The following ERMP1 variants were observed in gnomAD, a reference collection of about 807,000 sequenced individuals.
ERMP1 encodes Felix-ina.
A neutral mutation model predicts 92.0 loss-of-function variants in ERMP1; 86 were observed. The ratio of observed to expected loss-of-function variants is 0.93; its 90% CI spans 0.79 to 1.12. The LOEUF (loss-of-function observed/expected upper bound fraction) is 1.12, where lower values mean the gene tolerates loss of function less well. ERMP1 is among the 50% of genes most tolerant of loss of function. The pLI is 0.00. For synonymous variants in ERMP1, 530 were observed against 412.8 expected (o/e 1.28, Z -3.44); for missense variants, 1,342 against 1,116.3 (o/e 1.20, Z -2.88).
chr9:5,860,475 G>C (rs1830453053), intron 5 of ERMP1, among the ~76,000 whole-genome samples: 1 of 152,134 alleles, frequency 6.6e-6, no homozygotes, highest in Non-Finnish European at 1.5e-5. Context: ...GGATAAGTGA[G>C]TAAATGAATG....
chr9:5,813,061 A>AG, intron 4 of ERMP1, 26 bp from the exon 5 acceptor site: 1 of 1,601,080 alleles, frequency 6.2e-7, no homozygotes, highest in Non-Finnish European at 8.5e-7. Context: ...ACAACACAAT[A>AG]GAAGGTATTC....
chr9:5,801,902 T>C (rs1002862842), intron 10 of ERMP1, among the ~76,000 whole-genome samples: 3 of 152,156 alleles, frequency 2.0e-5, no homozygotes, highest in African/African-American at 7.2e-5. Context: ...ACAATAAATC[T>C]AGGCAGTAAA....
chr9:5,846,887 G>T (rs1447251958), intron 6 of ERMP1, among the ~76,000 whole-genome samples: 9 of 152,152 alleles, frequency 5.9e-5, no homozygotes, highest in Non-Finnish European at 4.4e-5. Flanking sequence ...TGTTCAGCAT[G>T]GAACTGGACG....
rs1828555439 is a variant in ERMP1 at position 5,798,888 on chromosome 9, T to C, written c.2188A>G (p.Asn730Asp). 1 of 1,613,480 alleles carries C rather than the reference T, an allele frequency of 6.2e-7. No homozygotes were observed. Among genetic ancestry groups the C allele is most frequent in the Non-Finnish European group, 8.5e-7 (1 of 1,179,442 alleles). Reference protein sequence around the residue: ...SHITPHIPEINDSIRAHCEEN... With the variant: ...SHITPHIPEIDDSIRAHCEEN... ...TCACAGTGAGCTCGGATACTATCATTGATCTCAGGAATGTGAGGGGTTATG... is the reference window on the plus strand; with the variant it reads ...TCACAGTGAGCTCGGATACTATCATCGATCTCAGGAATGTGAGGGGTTATG... Residue 730 changes from asparagine (N) to aspartate (D), a missense_variant, in exon 12 of 15, where the codon AAT becomes GAT. Asn to Asp is a conservative substitution (Grantham distance 23, BLOSUM62 1). Coordinates refer to ENST00000339450, the MANE Select transcript of ERMP1 (RefSeq NM_024896.3).
At chr9:5,791,286 A>G in intron 13 of ERMP1, 1 of 456,698 alleles carries the variant, frequency 2.2e-6, no homozygotes, top group Non-Finnish European at 4.4e-6. Flanking sequence ...AGGCAGGCTG[A>G]AGAAAAAAGT....
intron 13 of ERMP1, 125 bp from the exon 14 acceptor site, chr9:5,787,718 C>T (rs1828003245): frequency 2.2e-6 from 2 of 919,686 alleles, no homozygotes; most frequent in Non-Finnish European, 3.2e-6. Context: ...TACTATAAAC[C>T]TAATGGAGGT....
intron 9 of ERMP1, 120 bp from the exon 10 acceptor site, chr9:5,805,337 T>C: frequency 1.3e-6 from 1 of 772,992 alleles, no homozygotes; most frequent in Non-Finnish European, 2.0e-6. Flanking sequence ...ACTCTTGCCC[T>C]TAAGGGTGTA....
upstream of ERMP1, among the ~76,000 whole-genome samples, chr9:5,834,717 G>GTGTGTC (rs1276567806): frequency 7.4e-5 from 11 of 149,436 alleles, no homozygotes; most frequent in Non-Finnish European, 4.5e-5. Flanking sequence ...GTGTGTGTGT[G>GTGTGTC]TGTGTGTGTG....
At position 5,787,179 on chromosome 9, in the gene ERMP1, C is replaced by A; in HGVS notation, c.2680G>T (p.Ala894Ser). The A allele has an allele frequency of 6.2e-7, 1 of 1,614,014 alleles. No homozygotes were observed. The highest frequency in any genetic ancestry group is 8.5e-7 in the Non-Finnish European group (1 of 1,179,950). Residue 894 changes from alanine to serine, a missense_variant, in exon 15 of 15, where the codon GCC becomes TCC. Transcript: ENST00000339450. ...AAGAGATCGTAGGTGCACACCCAGG[C>A]AGAGGGAAATGTCCAATCTGGGAAC... Reference protein sequence around the residue: ...EKFPDWTFPSAWVCTYDLFVF With the variant: ...EKFPDWTFPSSWVCTYDLFVF
In ERMP1 at chr9:5,810,209, G is replaced by C; in HGVS notation, c.1350C>G (p.Phe450Leu). 1 of 1,613,838 alleles carries C rather than the reference G, an allele frequency of 6.2e-7. No individual in the cohort carries two copies. Among genetic ancestry groups the C allele is most frequent in the Non-Finnish European group, 8.5e-7 (1 of 1,179,940 alleles). The change falls in exon 8 of 15, where the codon TTC (phenylalanine) becomes TTG (leucine). Residue 450 changes from phenylalanine (F) to leucine (L), a missense_variant. By Grantham distance (22) the Phe-to-Leu change is conservative (BLOSUM62 0). Transcript: ENST00000339450. ...TCAAAGTGATGCCAAGTCCACACAA[G>C]AAGTCCTTCTTGTAGTTACCAGCTA... ...KHKTGNYKKD[F>L]LCGLGITLIS...
Position 5,810,070 on chromosome 9 carries a change from T to C in ERMP1, c.1489A>G (p.Thr497Ala), listed in dbSNP as rs865803163. 3.7e-6 allele frequency: 6 copies of C among 1,613,868 alleles called. No homozygotes were observed. The African/African-American group carries it at 8.0e-5, about 22-fold the overall frequency. Residue 497 changes from threonine to alanine, a missense_variant, in exon 8 of 15, where the codon ACT becomes GCT. Thr to Ala is a moderately conservative substitution (Grantham distance 58). Transcript: ENST00000339450. ...AGTATTATTTTGGCTACAGTTGCAG[T>C]TCCATACAGACAAACGGAGACATAG... ...HFYVSVCLYG[T>A]ATVAKIILIH...
intron 4 of ERMP1, 102 bp downstream of exon 4, chr9:5,823,794 T>C: frequency 1.2e-6 from 1 of 817,770 alleles, no homozygotes; most frequent in Non-Finnish European, 2.0e-6. Flanking sequence ...AGAATGCTCA[T>C]TCAAGAGACT....
chr9:5,856,151 A>C (rs147781263), intron 6 of ERMP1: 28 of 316,818 alleles, frequency 8.8e-5, no homozygotes, highest in African/African-American at 5.4e-4. Context: ...TTTGTCTTCA[A>C]ATCAGGGCAT....
At chr9:5,813,260 T>C (rs765109782) in intron 4 of ERMP1, among the ~76,000 whole-genome samples, 2 of 152,154 alleles carry the variant, frequency 1.3e-5, no homozygotes, top group African/African-American at 2.4e-5. Flanking sequence ...ATAACAGCAA[T>C]ACAAAAGTCT....
At chr9:5,866,363 G>A (rs1436966862) in intron 5 of ERMP1, among the ~76,000 whole-genome samples, 4 of 152,174 alleles carry the variant, frequency 2.6e-5, no homozygotes, top group African/African-American at 4.8e-5. Context: ...CAACAATAGT[G>A]GGGAGAGGAT....
chr9:5,804,253 A>G (rs974536579), intron 10 of ERMP1, among the ~76,000 whole-genome samples: 2 of 152,158 alleles, frequency 1.3e-5, no homozygotes, highest in African/African-American at 2.4e-5. Context: ...AGAGACCTGC[A>G]TTCTCTGGAG....
At position 5,798,794 on chromosome 9, in the gene ERMP1, TAATG is replaced by T. The variant is rs1387856394; in HGVS notation, c.2270+8_2270+11del. On this transcript the variant is annotated splice_region_variant and intron_variant, in intron 12 of 14. Coordinates refer to ENST00000339450, the MANE Select transcript of ERMP1 (RefSeq NM_024896.3). ...AACAAACTAACCTTAAGCAGAAAAA[TAATG>T]AACCAACCTGATCAGAAAGTGCACT... The T allele has an allele frequency of 1.9e-6, 3 of 1,598,852 alleles. No individual in the cohort carries two copies. In the African/African-American group the frequency reaches 4.0e-5, roughly 22 times the overall value.
chr9:5,788,742 A>T (rs550431538), intron 13 of ERMP1, among the ~76,000 whole-genome samples: 1 of 152,322 alleles, frequency 6.6e-6, no homozygotes, highest in East Asian at 1.9e-4. Flanking sequence ...AAAATGTTAT[A>T]ATCACACTCC....
At chr9:5,805,833 T>G (rs1828850264) in intron 8 of ERMP1, 48 bp from the exon 9 acceptor site, 2 of 1,417,864 alleles carry the variant, frequency 1.4e-6, no homozygotes, top group Non-Finnish European at 1.9e-6. Context: ...GGGTCATGCA[T>G]AAAGAGCTTT....
Sources: allele counts gnomAD v4.1 joint callset (sites outside exome capture counted in the v4.1 genomes callset), GRCh38; gene constraint gnomAD v4.1.1; transcripts MANE v1.5; gene names NCBI Gene and HGNC (gene_info 2026-07-23, HGNC 2026-07-21).